Variants in FRMD6 observed in about 807,000 individuals in gnomAD.
FRMD6 encodes FERM domain containing 6, also known as FERM domain-containing protein 6.
FRMD6 carries 37 observed loss-of-function variants against 73.2 expected under a neutral mutation model. The ratio of observed to expected loss-of-function variants is 0.51; its 90% CI spans 0.39 to 0.66. The LOEUF (loss-of-function observed/expected upper bound fraction) is 0.66. Ranked by LOEUF, FRMD6 falls within the 30% of genes least tolerant of loss-of-function variation. The pLI, the probability that FRMD6 is intolerant of heterozygous loss-of-function variation, is 0.00. For synonymous variants in FRMD6, 273 were observed against 282.2 expected (o/e 0.97, Z 0.33); for missense variants, 714 against 780.5 (o/e 0.91, Z 1.02).
intron 2 of FRMD6, among the ~76,000 whole-genome samples, chr14:51,611,173 G>A (rs1017560661): frequency 6.6e-6 from 1 of 152,194 alleles, no homozygotes; most frequent in Non-Finnish European, 1.5e-5. Context: ...AATGGAGAAG[G>A]AGGCTAGGGA....
At chr14:51,589,444 C>T (rs1403130359) in intron 2 of FRMD6, among the ~76,000 whole-genome samples, 1 of 151,656 alleles carries the variant, frequency 6.6e-6, no homozygotes, top group Non-Finnish European at 1.5e-5. Context: ...GAAACTGCAA[C>T]ATCTAAGGCA....
intron 1 of FRMD6, among the ~76,000 whole-genome samples, chr14:51,672,405 A>G (rs1894074713): frequency 6.6e-6 from 1 of 152,202 alleles, no homozygotes; most frequent in South Asian, 2.1e-4. Flanking sequence ...ATGGGAAATC[A>G]TTAGGCATTC....
intron 5 of FRMD6, 74 bp from the exon 6 acceptor site, chr14:51,704,675 G>A: frequency 2.4e-6 from 3 of 1,230,728 alleles, no homozygotes; most frequent in South Asian, 2.8e-5. Context: ...ATGGAGAGAA[G>A]GATTTGGGTT....
At chr14:51,468,323 G>T in the FRMD6 span, among the ~76,000 whole-genome samples, 12 of 138,814 alleles carry the variant, frequency 8.6e-5, no homozygotes, top group African/African-American at 2.7e-4. Context: ...GGGAGGGAGA[G>T]GGGGAGGGGG....
At chr14:51,668,869 G>C (rs1008196297) in intron 1 of FRMD6, among the ~76,000 whole-genome samples, 1 of 145,728 alleles carries the variant, frequency 6.9e-6, no homozygotes, top group African/African-American at 2.5e-5. Context: ...GGGTTTCACC[G>C]TGTTGGCCAG....
At chr14:51,436,958 G>A in the FRMD6 span, 1 of 962,882 alleles carries the variant, frequency 1.0e-6, no homozygotes, top group Non-Finnish European at 1.6e-6. Context: ...AGGAGAAGAT[G>A]ACTAACAGAA....
intron 1 of FRMD6, among the ~76,000 whole-genome samples, chr14:51,504,869 A>G (rs1240359058): frequency 6.6e-6 from 1 of 152,236 alleles, no homozygotes; most frequent in Admixed American, 6.5e-5. Context: ...GTTTAAATTT[A>G]GACAGCAGCT....
At chr14:51,608,661 A>T (rs1890364343) in intron 2 of FRMD6, among the ~76,000 whole-genome samples, 1 of 152,130 alleles carries the variant, frequency 6.6e-6, no homozygotes, top group Admixed American at 6.5e-5. Flanking sequence ...AGTGTTCCCC[A>T]GGGATATACC....
At chr14:51,415,181 A>T in the FRMD6 span, among the ~76,000 whole-genome samples, 1 of 152,192 alleles carries the variant, frequency 6.6e-6, no homozygotes, top group African/African-American at 2.4e-5. Flanking sequence ...AGAACTTCCA[A>T]CACTATGTTG....
intron 2 of FRMD6, among the ~76,000 whole-genome samples, chr14:51,617,659 AT>A (rs2139902390): frequency 6.6e-6 from 1 of 152,292 alleles, no homozygotes; most frequent in African/African-American, 2.4e-5. Context: ...TGTTGAAGGG[AT>A]TAAATGAGTT....
chr14:51,481,329 G>T, the FRMD6 span, among the ~76,000 whole-genome samples: 1 of 152,178 alleles, frequency 6.6e-6, no homozygotes, highest in African/African-American at 2.4e-5. Context: ...AAAGTGAAAA[G>T]CATGTCTTAT....
chr14:51,525,316 T>C (rs1461541246), intron 1 of FRMD6, among the ~76,000 whole-genome samples: 1 of 152,136 alleles, frequency 6.6e-6, no homozygotes, highest in Non-Finnish European at 1.5e-5. Flanking sequence ...TCACCCGGGC[T>C]GGAGTGCAGT....
chr14:51,651,732 C>T (rs1367855723), upstream of FRMD6: 1 of 147,678 alleles, frequency 6.8e-6, no homozygotes, highest in Non-Finnish European at 1.5e-5. Context: ...GCTCCCCGTA[C>T]TGCCGCGAGC....
intron 1 of FRMD6, among the ~76,000 whole-genome samples, chr14:51,569,507 C>CTTTTTTTTTTTTTTTT (rs34661155): frequency 3.3e-5 from 4 of 122,800 alleles, no homozygotes; most frequent in African/African-American, 6.0e-5. Context: ...TTCTTTCTTT[C>CTTTTTTTTTTTTTTTT]TTTTTTTTTT....
chr14:51,502,963 G>A (rs895199748), intron 1 of FRMD6, among the ~76,000 whole-genome samples: 2 of 152,138 alleles, frequency 1.3e-5, no homozygotes, highest in Admixed American at 6.5e-5. Context: ...TAGCAGTTGT[G>A]AATGGGAGTT....
rs151060436 is a variant in FRMD6, at chr14:51,698,703, C to T, written c.190+471C>T. On this transcript the variant is annotated intron_variant, in intron 3 of 13. Coordinates refer to ENST00000344768, the MANE Select transcript of FRMD6 (RefSeq NM_001267046.2). ...TTAATCTTATTTTTTATTTTTCTCT[C>T]GTACCCCTTCTCTTTTTTCCAGTCA... Among the ~76,000 whole-genome samples, 1,289 of 152,034 alleles carry T rather than the reference C, an allele frequency of 8.5e-3. 9 individuals are homozygous for T. Among genetic ancestry groups the T allele is most frequent in the Non-Finnish European group, 0.015 (1,020 of 67,922 alleles).
the FRMD6 span, among the ~76,000 whole-genome samples, chr14:51,453,529 A>T: frequency 1.3e-5 from 2 of 152,230 alleles, no homozygotes; most frequent in African/African-American, 4.8e-5. Context: ...GGTACAGTGG[A>T]TATACAGTTT....
chr14:51,541,495 CCT>C (rs1886199046), intron 1 of FRMD6, among the ~76,000 whole-genome samples: 1 of 152,020 alleles, frequency 6.6e-6, no homozygotes, highest in South Asian at 2.1e-4. Flanking sequence ...TCACAGCGCT[CCT>C]CTTAGGATTC....
chr14:51,543,936 G>A (rs908628231), intron 1 of FRMD6, among the ~76,000 whole-genome samples: 4 of 151,996 alleles, frequency 2.6e-5, no homozygotes, highest in African/African-American at 9.7e-5. Flanking sequence ...TCAGCCCTTA[G>A]AATTGTTCTA....
Sources: allele counts gnomAD v4.1 joint callset (sites outside exome capture counted in the v4.1 genomes callset), GRCh38; gene constraint gnomAD v4.1.1; transcripts MANE v1.5; gene names NCBI Gene and HGNC (gene_info 2026-07-23, HGNC 2026-07-21).